LYPD6B: variants seen among roughly 807,000 people sequenced by gnomAD.
LYPD6B encodes ly6/PLAUR domain-containing protein 6B.
In LYPD6B, 17 loss-of-function variants were observed where a neutral mutation model predicts 22.8. The observed-to-expected ratio is 0.75, with a 90% CI of 0.51 to 1.12. LYPD6B has a LOEUF of 1.12. Among genes scored for constraint, LYPD6B ranks in the 50% most tolerant of loss-of-function variants. The pLI, the probability that LYPD6B is intolerant of heterozygous loss-of-function variation, is 0.00. For synonymous variants in LYPD6B, 106 were observed against 91.6 expected (o/e 1.16, Z -0.90); for missense variants, 221 against 258.3 (o/e 0.86, Z 0.99).
intron 3 of LYPD6B, among the ~76,000 whole-genome samples, chr2:149,180,303 T>C (rs1336300182): frequency 5.3e-5 from 8 of 152,126 alleles, no homozygotes; most frequent in Non-Finnish European, 8.8e-5. Flanking sequence ...TGGTACAATG[T>C]TATATGCTGT....
At chr2:149,078,963 T>C (rs1447194538) in intron 1 of LYPD6B, among the ~76,000 whole-genome samples, 1 of 151,148 alleles carries the variant, frequency 6.6e-6, no homozygotes, top group Non-Finnish European at 1.5e-5. Context: ...GCTATGATCA[T>C]GCCACTGCAC....
chr2:149,119,758 C>T (rs535950380), intron 1 of LYPD6B, among the ~76,000 whole-genome samples: 1 of 152,242 alleles, frequency 6.6e-6, no homozygotes, highest in South Asian at 2.1e-4. Context: ...AGTGAAGGCC[C>T]CCAAATGGCG....
intron 1 of LYPD6B, among the ~76,000 whole-genome samples, chr2:149,062,171 G>C (rs2105324932): frequency 6.6e-6 from 1 of 152,070 alleles, no homozygotes; most frequent in Admixed American, 6.5e-5. Flanking sequence ...ATTTTTAGTA[G>C]AGACGGGGTT....
At chr2:149,092,424 T>C (rs556226463) in intron 1 of LYPD6B, among the ~76,000 whole-genome samples, 8 of 152,286 alleles carry the variant, frequency 5.3e-5, no homozygotes, top group Non-Finnish European at 8.8e-5. Flanking sequence ...AGGCGATCTT[T>C]ATAAAACAAG....
At chr2:149,181,706 C>T (rs1481723028) in intron 3 of LYPD6B, among the ~76,000 whole-genome samples, 2 of 152,180 alleles carry the variant, frequency 1.3e-5, no homozygotes, top group Non-Finnish European at 2.9e-5. Flanking sequence ...ACCCTGTTTT[C>T]CTTCTAATAC....
intron 1 of LYPD6B, among the ~76,000 whole-genome samples, chr2:149,052,641 G>A (rs1443079423): frequency 6.6e-6 from 1 of 152,122 alleles, no homozygotes; most frequent in Non-Finnish European, 1.5e-5. Context: ...CAGAGGTGTT[G>A]CCTGGGCAAA....
At chr2:149,117,234 CAA>C (rs1455843952) in intron 1 of LYPD6B, among the ~76,000 whole-genome samples, 1 of 151,236 alleles carries the variant, frequency 6.6e-6, no homozygotes, top group Non-Finnish European at 1.5e-5. Context: ...TTTTCATAGA[CAA>C]TGTACATTTT....
At chr2:149,128,647 G>A (rs1687842917) in intron 1 of LYPD6B, among the ~76,000 whole-genome samples, 1 of 152,138 alleles carries the variant, frequency 6.6e-6, no homozygotes, top group South Asian at 2.1e-4. Flanking sequence ...GGTGGTAAGA[G>A]GGTCTTTGAA....
At chr2:149,186,996 C>T (rs527656224) in intron 3 of LYPD6B, among the ~76,000 whole-genome samples, 1 of 152,258 alleles carries the variant, frequency 6.6e-6, no homozygotes, top group African/African-American at 2.4e-5. Context: ...GCAGGACCCT[C>T]CACCAGCAAA....
intron 1 of LYPD6B, among the ~76,000 whole-genome samples, chr2:149,077,020 C>T (rs769092625): frequency 3.9e-5 from 6 of 152,138 alleles, no homozygotes; most frequent in South Asian, 2.1e-4. Context: ...TTTGTAGCCC[C>T]GCAGCCCCAC....
At chr2:149,189,369 C>T (rs2377502) in intron 3 of LYPD6B, among the ~76,000 whole-genome samples, 42,136 of 87,744 alleles carry the variant, frequency 0.48, 9,376 homozygotes, top group African/African-American at 0.57. Flanking sequence ...TATATATATA[C>T]ACACACATAT....
intron 3 of LYPD6B, among the ~76,000 whole-genome samples, chr2:149,180,512 A>G (rs1416954228): frequency 1.3e-5 from 2 of 152,174 alleles, no homozygotes; most frequent in Non-Finnish European, 2.9e-5. Flanking sequence ...CCCCCAGAGG[A>G]GACTGAAGTG....
intron 1 of LYPD6B, among the ~76,000 whole-genome samples, chr2:149,079,689 C>T (rs533094410): frequency 3.9e-5 from 6 of 152,188 alleles, no homozygotes; most frequent in Middle Eastern, 3.4e-3. Context: ...AATTCATTCT[C>T]GCAGTGGGAA....
chr2:149,213,525 C>A (rs935598595), intron 6 of LYPD6B, among the ~76,000 whole-genome samples: 2 of 152,230 alleles, frequency 1.3e-5, no homozygotes, highest in Non-Finnish European at 2.9e-5. Flanking sequence ...CCTTTTAGAT[C>A]AATTGATGGC....
chr2:149,115,016 T>A (rs771326651), intron 1 of LYPD6B, among the ~76,000 whole-genome samples: 9 of 152,318 alleles, frequency 5.9e-5, no homozygotes, highest in Non-Finnish European at 8.8e-5. Context: ...CTCGGCTCAC[T>A]GCAGCCTCTG....
At chr2:149,200,648 G>A (rs1432091480) in intron 3 of LYPD6B, 2 of 152,208 alleles carry the variant, frequency 1.3e-5, no homozygotes, top group African/African-American at 4.8e-5. Flanking sequence ...CACGTTGGAT[G>A]AGATGATTAT....
chr2:149,208,286 C>T (rs1693626701), intron 4 of LYPD6B, 28 bp from the exon 5 acceptor site: 2 of 1,575,472 alleles, frequency 1.3e-6, no homozygotes, highest in African/African-American at 1.3e-5. Context: ...CTGTAGCTTA[C>T]TGTTTCACTT....
intron 1 of LYPD6B, among the ~76,000 whole-genome samples, chr2:149,100,921 A>T (rs1686175438): frequency 6.6e-6 from 1 of 152,228 alleles, no homozygotes; most frequent in South Asian, 2.1e-4. Flanking sequence ...TCCTGCCGTC[A>T]GCTGTCTGTG....
intron 1 of LYPD6B, among the ~76,000 whole-genome samples, chr2:149,108,609 A>T (rs1223876787): frequency 6.6e-6 from 1 of 152,210 alleles, no homozygotes; most frequent in African/African-American, 2.4e-5. Flanking sequence ...TGTTTCCTAT[A>T]GGCAGCATAT....
Sources: allele counts gnomAD v4.1 joint callset (sites outside exome capture counted in the v4.1 genomes callset), GRCh38; gene constraint gnomAD v4.1.1; transcripts MANE v1.5; gene names NCBI Gene and HGNC (gene_info 2026-07-23, HGNC 2026-07-21).